Variants in RFX4 observed in about 807,000 individuals in gnomAD.
The protein encoded by RFX4 is transcription factor RFX4.
Under a neutral mutation model 95.0 loss-of-function variants are expected in RFX4, and 10 were observed. The ratio of observed to expected loss-of-function variants is 0.11; its 90% CI spans 0.06 to 0.18. The LOEUF is 0.18. RFX4 is among the 10% of genes least tolerant of loss of function. RFX4 has a pLI of 1.00. For missense variants in RFX4, 640 were observed against 922.0 expected (o/e 0.69, Z 3.96); for synonymous variants, 321 against 340.7 (o/e 0.94, Z 0.64).
chr12:106,739,371 T>C (rs1368719322), intron 15 of RFX4, among the ~76,000 whole-genome samples: 2 of 152,306 alleles, frequency 1.3e-5, no homozygotes, highest in African/African-American at 4.8e-5. Flanking sequence ...GGATGGACAC[T>C]TCTCCATTTT....
intron 17 of RFX4, 33 bp downstream of exon 17, chr12:106,750,826 C>T (rs201730061): frequency 6.7e-7 from 1 of 1,491,222 alleles, no homozygotes; most frequent in African/African-American, 1.4e-5. Context: ...TTGGCCAGGC[C>T]TTGGTATACT....
intron 1 of RFX4, chr12:106,601,441 C>T: frequency 1.6e-6 from 2 of 1,279,786 alleles, no homozygotes; most frequent in East Asian, 2.5e-5. Context: ...GTGAGTGTGG[C>T]ATGTCAACTC....
At position 106,731,845 on chromosome 12, in the gene RFX4, G is replaced by C. The variant is rs542554177; in HGVS notation, c.1352-285G>C. Among the ~76,000 whole-genome samples, 84 of 152,220 alleles carry C rather than the reference G, an allele frequency of 5.5e-4. 3 individuals are homozygous for C. The South Asian group carries it at 0.017, about 31-fold the overall frequency. ...GTAAGCAAGAGCTCAGAGATGGCTC[G>C]GTGGGTGCCATTTTTGATGGTGTCA... On this transcript the variant is annotated intron_variant, in intron 13 of 17. Coordinates refer to ENST00000392842, the MANE Select transcript of RFX4 (RefSeq NM_213594.3).
chr12:106,665,731 T>C (rs926757739), intron 4 of RFX4, among the ~76,000 whole-genome samples: 5 of 151,972 alleles, frequency 3.3e-5, no homozygotes, highest in African/African-American at 1.2e-4. Flanking sequence ...CAAGCCCACT[T>C]TTAAATAATG....
At chr12:106,646,889 C>T (rs776745189) in intron 3 of RFX4, among the ~76,000 whole-genome samples, 1 of 152,216 alleles carries the variant, frequency 6.6e-6, no homozygotes, top group Non-Finnish European at 1.5e-5. Context: ...TGAGAAATGT[C>T]AGTGTCCACA....
chr12:106,601,703 G>C lies in RFX4; in HGVS notation c.44-7094G>C, dbSNP rs149556256. ...ACGGCTGGCTCCCAGCTGCCTGCAGGCTTCGCGGCCTGGTGGGCCCGGCGG... is the reference window on the plus strand; with the variant it reads ...ACGGCTGGCTCCCAGCTGCCTGCAGCCTTCGCGGCCTGGTGGGCCCGGCGG... On this transcript the variant is annotated intron_variant, in intron 1 of 17. Coordinates refer to ENST00000392842, the MANE Select transcript of RFX4 (RefSeq NM_213594.3). Among the ~76,000 whole-genome samples, 214 of 152,316 alleles carry C rather than the reference G, an allele frequency of 1.4e-3. 1 individual carries two copies. The highest frequency in any genetic ancestry group is 5.1e-3 in the African/African-American group (210 of 41,566).
At chr12:106,596,823 G>T (rs2039626870) in intron 1 of RFX4, among the ~76,000 whole-genome samples, 1 of 152,196 alleles carries the variant, frequency 6.6e-6, no homozygotes, top group Non-Finnish European at 1.5e-5. Context: ...ACAGTACATA[G>T]CATCTGCTAG....
rs1222909434 is a variant in RFX4, at chr12:106,750,741, C to T, written c.1883C>T (p.Thr628Ile). The change falls in exon 17 of 18, where the codon ACA becomes ATA. Residue 628 changes from threonine (T) to isoleucine (I), a missense_variant. Around this residue, in one of 7 missense-constraint regions of RFX4, gnomAD observed 300 missense variants for 346.8 expected, o/e 0.87. Transcript: ENST00000392842. The part of the protein sequence containing the change: ...QSQYPALPHD[T>I]AISGPLHYAP... ...CAGTATCCGGCCCTCCCTCATGACA[C>T]AGCTATCTCTGGGCCACTCCACTAT... The T allele has an allele frequency of 6.2e-7, 1 of 1,612,840 alleles. No homozygotes were observed. The highest frequency in any genetic ancestry group is 8.5e-7 in the Non-Finnish European group (1 of 1,179,644).
intron 4 of RFX4, among the ~76,000 whole-genome samples, chr12:106,667,222 G>C (rs1334533695): frequency 6.6e-6 from 1 of 152,082 alleles, no homozygotes; most frequent in Non-Finnish European, 1.5e-5. Context: ...AGGTTAGAGG[G>C]GACTGGTGTT....
At chr12:106,610,044 A>T (rs2039926415) in intron 2 of RFX4, among the ~76,000 whole-genome samples, 1 of 152,132 alleles carries the variant, frequency 6.6e-6, no homozygotes, top group African/African-American at 2.4e-5. Context: ...TCACTGTATG[A>T]GTATATCACA....
chr12:106,624,077 C>A (rs952184893), intron 2 of RFX4, among the ~76,000 whole-genome samples: 4 of 152,108 alleles, frequency 2.6e-5, no homozygotes, highest in Non-Finnish European at 4.4e-5. Flanking sequence ...AGGGGAGGTG[C>A]CAGCTACTTT....
At chr12:106,605,476 TCA>T (rs2039810612) in intron 1 of RFX4, among the ~76,000 whole-genome samples, 1 of 152,182 alleles carries the variant, frequency 6.6e-6, no homozygotes, top group South Asian at 2.1e-4. Context: ...TTTGGATATC[TCA>T]GAGTGTTGCA....
At chr12:106,593,912 A>G (rs573487735) in intron 1 of RFX4, among the ~76,000 whole-genome samples, 2 of 152,320 alleles carry the variant, frequency 1.3e-5, no homozygotes, top group East Asian at 1.9e-4. Context: ...ACTCAAACCT[A>G]TTTATGGTGG....
At chr12:106,706,970 T>C (rs2042097574) in intron 8 of RFX4, among the ~76,000 whole-genome samples, 1 of 152,232 alleles carries the variant, frequency 6.6e-6, no homozygotes, top group South Asian at 2.1e-4. Context: ...CATGTACACA[T>C]ATGTATTTAA....
At chr12:106,748,078 G>A (rs545232373) in intron 16 of RFX4, among the ~76,000 whole-genome samples, 1 of 152,256 alleles carries the variant, frequency 6.6e-6, no homozygotes, top group South Asian at 2.1e-4. Flanking sequence ...AACCAGGGTA[G>A]GTAGGTAGGT....
At chr12:106,642,996 G>T (rs1392239689) in intron 3 of RFX4, among the ~76,000 whole-genome samples, 8 of 152,206 alleles carry the variant, frequency 5.3e-5, no homozygotes, top group Non-Finnish European at 2.9e-5. Context: ...CAGTGAAGAG[G>T]TTATCACAGA....
chr12:106,626,394 C>G lies in RFX4; in HGVS notation c.131-12938C>G, dbSNP rs1050399512. On this transcript the variant is annotated intron_variant, in intron 2 of 17. Transcript: ENST00000392842. ...GAAAATCGGGGGAGGCAGAAAGCTA[C>G]GAGACTGGTCTTGAGCTTGGAGAGT... is the stretch of plus-strand genomic sequence containing the variant. Among the ~76,000 whole-genome samples, 26 of 152,072 alleles carry G rather than the reference C, an allele frequency of 1.7e-4. 1 individual carries two copies. Among genetic ancestry groups the G allele is most frequent in the Admixed American group, 1.7e-3 (26 of 15,262 alleles).
intron 4 of RFX4, among the ~76,000 whole-genome samples, chr12:106,661,168 CCTCACTTCCTCCAT>C (rs766706726): frequency 8.3e-4 from 127 of 152,286 alleles, no homozygotes; most frequent in Non-Finnish European, 1.4e-3. Flanking sequence ...CCTCTCTGAA[CCTCACTTCCTCCAT>C]CTATCAAATG....
At chr12:106,726,267 A>C (rs918461077) in intron 13 of RFX4, among the ~76,000 whole-genome samples, 3 of 151,556 alleles carry the variant, frequency 2.0e-5, no homozygotes, top group Admixed American at 6.6e-5. Flanking sequence ...AAAAGAAAAA[A>C]AGGAAAAAAA....
Sources: gnomAD v4.1 joint callset for allele counts (sites outside exome capture counted in the v4.1 genomes callset) on GRCh38, gnomAD v4.1.1 for gene constraint, gnomAD v4.1.1 regional missense constraint, MANE v1.5 for transcripts, NCBI Gene and HGNC (gene_info 2026-07-23, HGNC 2026-07-21) for gene names.